ROBO2: variants seen among roughly 807,000 people sequenced by gnomAD.
ROBO2 encodes roundabout guidance receptor 2.
In ROBO2, 53 loss-of-function variants were observed where a neutral mutation model predicts 160.8. That is an observed-to-expected ratio of 0.33 (90% CI 0.26 to 0.41). The LOEUF (loss-of-function observed/expected upper bound fraction) is 0.41, where lower values mean the gene tolerates loss of function less well. ROBO2 is among the 10% of genes least tolerant of loss of function. The probability of loss-of-function intolerance (pLI) is 1.00; values close to 1 mark genes in which losing one functional copy is unlikely to be tolerated. For missense variants in ROBO2, 1,577 were observed against 1,722.4 expected (o/e 0.92, Z 1.49); for synonymous variants, 664 against 611.7 (o/e 1.09, Z -1.26).
At chr3:77,467,267 T>G (rs1484449288) in intron 2 of ROBO2, among the ~76,000 whole-genome samples, 1 of 152,222 alleles carries the variant, frequency 6.6e-6, no homozygotes, top group Admixed American at 6.5e-5. Flanking sequence ...ATTCAAATTT[T>G]GTATAAATAT....
chr3:77,210,142 A>T (rs1195503961), intron 2 of ROBO2, among the ~76,000 whole-genome samples: 1 of 151,852 alleles, frequency 6.6e-6, no homozygotes, highest in African/African-American at 2.4e-5. Flanking sequence ...TCCTGCACAG[A>T]CATTTGTACA....
intron 2 of ROBO2, among the ~76,000 whole-genome samples, chr3:77,350,355 T>A (rs2068188655): frequency 6.6e-6 from 1 of 152,056 alleles, no homozygotes; most frequent in Non-Finnish European, 1.5e-5. Flanking sequence ...GACCCTGTCT[T>A]GAAGTAAATA....
chr3:76,252,889 A>C (rs1449611197), intron 2 of ROBO2, among the ~76,000 whole-genome samples: 1 of 151,826 alleles, frequency 6.6e-6, no homozygotes, highest in Non-Finnish European at 1.5e-5. Flanking sequence ...TACAGGCTGG[A>C]AACTCGGGCA....
At chr3:77,469,743 T>G (rs1217133782) in intron 2 of ROBO2, among the ~76,000 whole-genome samples, 1 of 152,164 alleles carries the variant, frequency 6.6e-6, no homozygotes, top group African/African-American at 2.4e-5. Flanking sequence ...TCCAAACAAT[T>G]CAAATTGTTC....
chr3:75,945,421 C>T (rs72888438), intron 2 of ROBO2, among the ~76,000 whole-genome samples: 9 of 152,054 alleles, frequency 5.9e-5, no homozygotes, highest in East Asian at 1.9e-4. Context: ...AGAATAGAGG[C>T]GAAGAAGTAG....
intron 2 of ROBO2, among the ~76,000 whole-genome samples, chr3:76,686,168 T>C (rs1202350058): frequency 6.6e-6 from 1 of 152,104 alleles, no homozygotes; most frequent in African/African-American, 2.4e-5. Flanking sequence ...TCAAAGGTTT[T>C]CTGTTAGTTT....
At chr3:77,367,818 A>T (rs1370889902) in intron 2 of ROBO2, among the ~76,000 whole-genome samples, 1 of 152,254 alleles carries the variant, frequency 6.6e-6, no homozygotes, top group East Asian at 1.9e-4. Context: ...AATGTCTGAC[A>T]CTTCCAGTTC....
chr3:76,494,071 G>T (rs1191695327), intron 2 of ROBO2, among the ~76,000 whole-genome samples: 1 of 151,998 alleles, frequency 6.6e-6, no homozygotes, highest in Non-Finnish European at 1.5e-5. Context: ...AACCACAATG[G>T]CTGATATGTA....
At chr3:76,459,003 A>G (rs141034509) in intron 2 of ROBO2, among the ~76,000 whole-genome samples, 1 of 152,216 alleles carries the variant, frequency 6.6e-6, no homozygotes, top group Non-Finnish European at 1.5e-5. Flanking sequence ...TGCTGTATAC[A>G]TCATCTGTGA....
chr3:76,269,599 A>C lies in ROBO2; in HGVS notation c.109+331997A>C, dbSNP rs1163547077. Among the ~76,000 whole-genome samples the C allele has an allele frequency of 2.0e-5, 3 of 150,706 alleles. No homozygotes were observed. In the South Asian group the frequency reaches 6.3e-4, roughly 32 times the overall value. ...GTTATGGTTAAATGAAAAAAAAAAA[A>C]CAGAGTAAATGAAAGGAATGAGTAA... is the stretch of plus-strand genomic sequence containing the variant. On this transcript the variant is annotated intron_variant, in intron 2 of 26. Transcript: ENST00000487694.
chr3:77,114,059 T>C (rs941030717), intron 2 of ROBO2, among the ~76,000 whole-genome samples: 1 of 152,180 alleles, frequency 6.6e-6, no homozygotes, highest in African/African-American at 2.4e-5. Context: ...GGCAGCAATG[T>C]AGAGAAAGAT....
chr3:76,163,491 A>G (rs935138651), intron 2 of ROBO2, among the ~76,000 whole-genome samples: 8 of 149,224 alleles, frequency 5.4e-5, no homozygotes, highest in Admixed American at 4.7e-4. Context: ...TACAATATAT[A>G]ACTGTGTATT....
At chr3:77,201,403 G>T (rs1560221505) in intron 2 of ROBO2, among the ~76,000 whole-genome samples, 1 of 152,092 alleles carries the variant, frequency 6.6e-6, no homozygotes, top group Admixed American at 6.6e-5. Flanking sequence ...GTGCTTAACT[G>T]GGAACTTGAG....
chr3:76,786,582 C>T (rs779034347), intron 2 of ROBO2, among the ~76,000 whole-genome samples: 5 of 151,274 alleles, frequency 3.3e-5, no homozygotes, highest in Admixed American at 2.0e-4. Flanking sequence ...GAAACCACTC[C>T]CATGATTCAA....
At chr3:76,385,359 G>C (rs2076833252) in intron 2 of ROBO2, among the ~76,000 whole-genome samples, 1 of 152,106 alleles carries the variant, frequency 6.6e-6, no homozygotes, top group Admixed American at 6.5e-5. Context: ...TATAAAAATA[G>C]TTTCTTCAGT....
At chr3:77,253,194 G>A (rs536196765) in intron 2 of ROBO2, among the ~76,000 whole-genome samples, 2 of 152,174 alleles carry the variant, frequency 1.3e-5, no homozygotes, top group South Asian at 2.1e-4. Flanking sequence ...TGGTTTCAAC[G>A]TGCAAATTTT....
chr3:76,564,121 G>C (rs766607513), intron 2 of ROBO2, among the ~76,000 whole-genome samples: 1 of 152,192 alleles, frequency 6.6e-6, no homozygotes, highest in Non-Finnish European at 1.5e-5. Flanking sequence ...CACGAGAATC[G>C]CATGAACCTG....
chr3:76,105,604 A>G (rs1317437005), intron 2 of ROBO2, among the ~76,000 whole-genome samples: 1 of 152,186 alleles, frequency 6.6e-6, no homozygotes, highest in Non-Finnish European at 1.5e-5. Context: ...GGATACAGAT[A>G]TCTTGATACC....
At chr3:77,638,288 A>G (rs138086963) in intron 24 of ROBO2, among the ~76,000 whole-genome samples, 10 of 152,322 alleles carry the variant, frequency 6.6e-5, no homozygotes, top group African/African-American at 2.2e-4. Flanking sequence ...TTTACAATAA[A>G]CCTTTTGCAT....
Sources: allele counts gnomAD v4.1 joint callset (sites outside exome capture counted in the v4.1 genomes callset), GRCh38; gene constraint gnomAD v4.1.1; transcripts MANE v1.5; gene names NCBI Gene and HGNC (gene_info 2026-07-23, HGNC 2026-07-21).